Variants in POP1 observed in about 807,000 individuals in gnomAD.
POP1 encodes ribonucleases P/MRP protein subunit POP1.
A neutral mutation model predicts 102.2 loss-of-function variants in POP1; 75 were observed. That is an observed-to-expected ratio of 0.73 (90% CI 0.61 to 0.89). POP1 has a LOEUF of 0.89. Ranked by LOEUF, POP1 falls within the 40% of genes least tolerant of loss-of-function variation. The probability of loss-of-function intolerance (pLI) is 0.00; values close to 1 mark genes in which losing one functional copy is unlikely to be tolerated. For missense variants in POP1, 1,116 were observed against 1,267.4 expected (o/e 0.88, Z 1.81); for synonymous variants, 436 against 464.1 (o/e 0.94, Z 0.78).
intron 14 of POP1, among the ~76,000 whole-genome samples, chr8:98,153,271 C>T (rs932661007): frequency 7.2e-5 from 11 of 152,214 alleles, no homozygotes; most frequent in Middle Eastern, 3.4e-3. Context: ...TACCTGGCCA[C>T]GTAGCTTATG....
intron 1 of POP1, among the ~76,000 whole-genome samples, chr8:98,121,837 C>A (rs1393507919): frequency 6.6e-6 from 1 of 152,122 alleles, no homozygotes; most frequent in African/African-American, 2.4e-5. Flanking sequence ...CGCCCGCCAC[C>A]ATGCCTGGCT....
intron 7 of POP1, 63 bp from the exon 8 acceptor site, chr8:98,136,419 T>G: frequency 6.6e-7 from 1 of 1,505,298 alleles, no homozygotes; most frequent in Non-Finnish European, 9.0e-7. Flanking sequence ...AAAACCCAAC[T>G]AAATTTGTCG....
chr8:98,150,767 G>A (rs1290246188), intron 14 of POP1, 128 bp downstream of exon 14: 4 of 891,630 alleles, frequency 4.5e-6, no homozygotes, highest in Non-Finnish European at 5.1e-6. Flanking sequence ...CAGCATTACT[G>A]AGAAATAATT....
intron 11 of POP1, among the ~76,000 whole-genome samples, chr8:98,143,708 A>G (rs1188327291): frequency 2.6e-5 from 4 of 152,116 alleles, no homozygotes; most frequent in African/African-American, 4.8e-5. Flanking sequence ...TGCTCTGCCT[A>G]TTCATCCCTC....
chr8:98,150,694 G>C, intron 14 of POP1, 55 bp downstream of exon 14: 3 of 1,540,146 alleles, frequency 1.9e-6, no homozygotes, highest in Admixed American at 1.7e-5. Context: ...AGAAGTGCCT[G>C]CTTATATTGG....
chr8:98,155,960 A>C, intron 14 of POP1, 90 bp from the exon 15 acceptor site: 1 of 944,666 alleles, frequency 1.1e-6, no homozygotes. Flanking sequence ...TGTGTGTTTT[A>C]AAATAGAGAT....
At chr8:98,121,887 G>A (rs1043986433) in intron 1 of POP1, among the ~76,000 whole-genome samples, 20 of 151,982 alleles carry the variant, frequency 1.3e-4, no homozygotes, top group Admixed American at 2.0e-4. Context: ...GGGTTTCACT[G>A]TGTTAGCCAA....
At chr8:98,127,863 A>G in intron 3 of POP1, 101 bp downstream of exon 3, 1 of 1,247,954 alleles carries the variant, frequency 8.0e-7, no homozygotes, top group Admixed American at 1.8e-5. Flanking sequence ...TGCCTCCCCT[A>G]CCTCTCCTCT....
chr8:98,134,462 T>C lies in POP1; in HGVS notation c.824-10T>C, dbSNP rs777079443. On this transcript the variant is annotated splice_polypyrimidine_tract_variant and intron_variant, in intron 6 of 15. Coordinates refer to ENST00000401707, the MANE Select transcript of POP1 (RefSeq NM_001145860.2). ...CCGGAATTATGGAATTTTGCTTTTG[T>C]TGATGTCAGGGCTGACGTTTGCAGC... 7.4e-6 allele frequency: 12 copies of C among 1,613,776 alleles called. No individual in the cohort carries two copies. Among genetic ancestry groups the C allele is most frequent in the Non-Finnish European group, 9.3e-6 (11 of 1,180,000 alleles).
chr8:98,156,652 C>T (rs1244153927), intron 15 of POP1, among the ~76,000 whole-genome samples: 1 of 151,612 alleles, frequency 6.6e-6, no homozygotes, highest in East Asian at 1.9e-4. Flanking sequence ...ATCAATAGAT[C>T]CAAGCCAAGG....
Position 98,150,746 on chromosome 8 carries a change from T to G in POP1, c.2057+107T>G. On this transcript the variant is annotated intron_variant, in intron 14 of 15. Transcript: ENST00000401707. ...ATGGCTTTGGTAATTTCATAGACTT[T>G]TCAGTGAGTTCAGCATTACTGAGAA... The G allele has an allele frequency of 2.0e-6, 2 of 993,132 alleles. 1 individual carries two copies. Among genetic ancestry groups the G allele is most frequent in the Non-Finnish European group, 3.1e-6 (2 of 654,486 alleles). 61.5% of individuals were successfully genotyped at this position (993,132 alleles called of 1,614,324 possible). A position where few individuals can be genotyped will look rare whatever the true frequency, so the allele number is the denominator to read the frequency against.
chr8:98,153,503 T>A (rs1399882057), intron 14 of POP1, among the ~76,000 whole-genome samples: 1 of 149,292 alleles, frequency 6.7e-6, no homozygotes, highest in African/African-American at 2.5e-5. Context: ...TTTGGCTATC[T>A]TCCAACTAGA....
In POP1 at chr8:98,157,659, C is replaced by G; in HGVS notation, c.2463C>G (p.Pro821=). The G allele has an allele frequency of 6.2e-7, 1 of 1,614,198 alleles. No homozygotes were observed. Among genetic ancestry groups the G allele is most frequent in the Non-Finnish European group, 8.5e-7 (1 of 1,180,034 alleles). ...AGCAACTGTCAGCCTGGTGTGGGCC[C>G]AGTTCTGAGGATAGTCGGGGAGGCC... ...LLKQLSAWCG[P]SSEDSRGGRR... The change falls in exon 16 of 16, where the codon CCC becomes CCG. Residue 821 remains proline (P), a synonymous_variant. Coordinates refer to ENST00000401707, the MANE Select transcript of POP1 (RefSeq NM_001145860.2).
At chr8:98,128,076 C>T (rs1286029505) in intron 3 of POP1, among the ~76,000 whole-genome samples, 1 of 152,144 alleles carries the variant, frequency 6.6e-6, no homozygotes, top group Non-Finnish European at 1.5e-5. Flanking sequence ...CAGCATTCTC[C>T]AAGGATGGAA....
chr8:98,130,603 C>T (rs1416950323), intron 5 of POP1, among the ~76,000 whole-genome samples: 1 of 152,118 alleles, frequency 6.6e-6, no homozygotes, highest in African/African-American at 2.4e-5. Context: ...GGAATCAATT[C>T]TGTGTGACAG....
At chr8:98,135,701 A>T (rs969932257) in intron 7 of POP1, among the ~76,000 whole-genome samples, 7 of 30,688 alleles carry the variant, frequency 2.3e-4, no homozygotes, top group South Asian at 6.0e-3. Flanking sequence ...AATTAAATTA[A>T]AAAAAATTTT....
rs1809488201 is a variant in POP1, at chr8:98,150,549, CGCCTAAT to C, written c.1969_1975del (p.Pro657SerfsTer53). On this transcript the variant is annotated frameshift_variant, in exon 14 of 16. Transcript: ENST00000401707. LOFTEE classifies it high-confidence loss of function. ...GCAGTGCATTCTCAGTATAAGAGGT[CGCCTAAT>C]GTCCCAGGCGATTTTCCAGACTGCC... 6.2e-7 allele frequency: 1 copy of C among 1,613,968 alleles called. No individual in the cohort carries two copies.
At chr8:98,131,231 A>G (rs1216463366) in intron 5 of POP1, among the ~76,000 whole-genome samples, 1 of 152,200 alleles carries the variant, frequency 6.6e-6, no homozygotes, top group Non-Finnish European at 1.5e-5. Context: ...TATCCTTCCA[A>G]ACTGAAACTC....
Position 98,155,909 on chromosome 8 carries a change from T to TTGTG in POP1, c.2058-97_2058-94dup, listed in dbSNP as rs58936294. 66,751 of 511,748 alleles carry TTGTG rather than the reference T, an allele frequency of 0.13. 2,152 individuals are homozygous for TTGTG. Among genetic ancestry groups the TTGTG allele is most frequent in the East Asian group, 0.18 (4,033 of 22,286 alleles). The allele number at this position is 511,748 out of a possible 1,614,324, so 31.7% of individuals were successfully genotyped here. On this transcript the variant is annotated intron_variant, in intron 14 of 15. Coordinates refer to ENST00000401707, the MANE Select transcript of POP1 (RefSeq NM_001145860.2). ...TTATCATATGTTTCTTGGAAAGCTT[T>TTGTG]TGTGTGTGTGTGTGTGTGTGTGTGT...
Sources: allele counts gnomAD v4.1 joint callset (sites outside exome capture counted in the v4.1 genomes callset), GRCh38; gene constraint gnomAD v4.1.1; transcripts MANE v1.5; gene names NCBI Gene and HGNC (gene_info 2026-07-23, HGNC 2026-07-21).